Variants in AUTS2 observed in about 807,000 individuals in gnomAD.
The protein encoded by AUTS2 is activator of transcription and developmental regulator AUTS2.
AUTS2 carries 17 observed loss-of-function variants against 112.4 expected under a neutral mutation model. The ratio of observed to expected loss-of-function variants is 0.15; its 90% confidence interval spans 0.10 to 0.23. The LOEUF is 0.23. Among genes scored for constraint, AUTS2 ranks in the 10% least tolerant of loss-of-function variants. The pLI, the probability that AUTS2 is intolerant of heterozygous loss-of-function variation, is 1.00. For synonymous variants in AUTS2, 751 were observed against 702.7 expected, an observed-to-expected ratio of 1.07 and a Z score of -1.09; for missense variants, 1,510 against 1,701.6, an observed-to-expected ratio of 0.89 and a Z score of 1.98.
At position 70,586,730 on chromosome 7, in the gene AUTS2, G is replaced by A. The variant is rs146051082; in HGVS notation, c.691-111839G>A. Among the ~76,000 whole-genome samples the A allele has an allele frequency of 2.6e-3, 392 of 152,278 alleles. 3 individuals carry two copies. The highest frequency in any genetic ancestry group is 0.023 in the Admixed American group (346 of 15,298). ...TTACGTTCTGGGTGGATTTGCCTCCGGAGACCCTGCTGTTCAATCCCATTC... is the reference window on the plus strand; with the variant it reads ...TTACGTTCTGGGTGGATTTGCCTCCAGAGACCCTGCTGTTCAATCCCATTC... On this transcript the variant is annotated intron_variant, in intron 5 of 18. Coordinates refer to ENST00000342771, the MANE Select transcript of AUTS2 (RefSeq NM_015570.4).
chr7:70,592,135 A>T (rs376975061), intron 5 of AUTS2, among the ~76,000 whole-genome samples: 7 of 152,334 alleles, frequency 4.6e-5, no homozygotes, highest in African/African-American at 1.7e-4. Flanking sequence ...AAAAATATTC[A>T]TATTTGCCAT....
chr7:69,908,317 A>T (rs1562962285), intron 2 of AUTS2, among the ~76,000 whole-genome samples: 1 of 152,194 alleles, frequency 6.6e-6, no homozygotes, highest in Non-Finnish European at 1.5e-5. Flanking sequence ...GGTCCTAATG[A>T]TGTTTAAAAG....
At chr7:70,463,447 A>G (rs1186963024) in intron 5 of AUTS2, among the ~76,000 whole-genome samples, 1 of 152,196 alleles carries the variant, frequency 6.6e-6, no homozygotes, top group African/African-American at 2.4e-5. Flanking sequence ...GCAGCGTGCA[A>G]GAAGTGGACT....
intron 5 of AUTS2, among the ~76,000 whole-genome samples, chr7:70,585,678 TC>T (rs1802648605): frequency 6.6e-6 from 1 of 152,144 alleles, no homozygotes; most frequent in Non-Finnish European, 1.5e-5. Context: ...CTTAAAAGTA[TC>T]CGAGTTTGAA....
Position 70,705,413 on chromosome 7 carries a change from G to C in AUTS2, c.742+6793G>C, listed in dbSNP as rs552051154. Among the ~76,000 whole-genome samples, 148 of 152,308 alleles carry C rather than the reference G, an allele frequency of 9.7e-4. 1 individual carries two copies. The highest frequency in any genetic ancestry group is 3.4e-3 in the African/African-American group (142 of 41,570). On this transcript the variant is annotated intron_variant, in intron 6 of 18. Coordinates refer to ENST00000342771, the MANE Select transcript of AUTS2 (RefSeq NM_015570.4). ...TATTCCTGAACCTCTGGTGGAACGA[G>C]TGCAACAGTGATTTTATTAATTTCA...
intron 1 of AUTS2, among the ~76,000 whole-genome samples, chr7:69,835,815 T>C (rs1791697515): frequency 6.6e-6 from 1 of 152,214 alleles, no homozygotes; most frequent in Admixed American, 6.5e-5. Flanking sequence ...ATTTAAAGTG[T>C]TGAATGCTAT....
intron 1 of AUTS2, among the ~76,000 whole-genome samples, chr7:69,624,133 TATTAAG>T (rs956881728): frequency 2.0e-5 from 3 of 152,234 alleles, no homozygotes; most frequent in Non-Finnish European, 4.4e-5. Flanking sequence ...TCACAGCTGA[TATTAAG>T]ATTACGTTCT....
intron 4 of AUTS2, among the ~76,000 whole-genome samples, chr7:70,265,479 G>A (rs1357757118): frequency 3.3e-5 from 5 of 152,252 alleles, no homozygotes; most frequent in South Asian, 4.1e-4. Context: ...ACTGGGAGGT[G>A]AGAAAAAAAG....
intron 2 of AUTS2, among the ~76,000 whole-genome samples, chr7:69,981,870 T>G (rs777002982): frequency 1.3e-5 from 2 of 152,218 alleles, no homozygotes; most frequent in Non-Finnish European, 2.9e-5. Context: ...TGTACACACT[T>G]CGAGTTGGTA....
chr7:69,691,200 C>T (rs551931300), intron 1 of AUTS2, among the ~76,000 whole-genome samples: 9 of 152,196 alleles, frequency 5.9e-5, no homozygotes, highest in African/African-American at 1.4e-4. Context: ...GAGAAAGCAC[C>T]GTAAGTTCTT....
At chr7:69,747,651 A>G (rs1450350701) in intron 1 of AUTS2, among the ~76,000 whole-genome samples, 1 of 152,150 alleles carries the variant, frequency 6.6e-6, no homozygotes, top group Non-Finnish European at 1.5e-5. Flanking sequence ...TTCTGGCTTC[A>G]AAGCCTGAGA....
chr7:69,619,593 CCT>C (rs1446112249), intron 1 of AUTS2, among the ~76,000 whole-genome samples: 1 of 152,134 alleles, frequency 6.6e-6, no homozygotes, highest in Non-Finnish European at 1.5e-5. Context: ...GTGACTGTAC[CCT>C]CTTTCAGAAG....
chr7:69,828,210 T>C (rs1269468171), intron 1 of AUTS2, among the ~76,000 whole-genome samples: 1 of 152,204 alleles, frequency 6.6e-6, no homozygotes, highest in African/African-American at 2.4e-5. Context: ...TTCTACTCCT[T>C]GTCAGTGATG....
At chr7:70,519,819 T>C (rs1799570669) in intron 5 of AUTS2, among the ~76,000 whole-genome samples, 1 of 152,072 alleles carries the variant, frequency 6.6e-6, no homozygotes, top group Non-Finnish European at 1.5e-5. Context: ...TTCTACTTGA[T>C]TGGGTGTTCT....
chr7:69,721,299 C>A (rs1174935683), intron 1 of AUTS2, among the ~76,000 whole-genome samples: 1 of 152,200 alleles, frequency 6.6e-6, no homozygotes, highest in Non-Finnish European at 1.5e-5. Flanking sequence ...CTCAAGCCTC[C>A]CTCCTTCACT....
At chr7:69,848,908 CTAAA>C (rs1410420805) in intron 1 of AUTS2, among the ~76,000 whole-genome samples, 1 of 152,084 alleles carries the variant, frequency 6.6e-6, no homozygotes, top group Non-Finnish European at 1.5e-5. Context: ...GTTTTATTGA[CTAAA>C]TAATCTTCAG....
chr7:70,686,809 G>A (rs533268755), intron 5 of AUTS2, among the ~76,000 whole-genome samples: 12 of 152,260 alleles, frequency 7.9e-5, no homozygotes, highest in East Asian at 3.9e-4. Flanking sequence ...CTAGGACCAC[G>A]CACACGTGAG....
intron 1 of AUTS2, among the ~76,000 whole-genome samples, chr7:69,825,479 C>G (rs1431458292): frequency 6.6e-6 from 1 of 151,984 alleles, no homozygotes; most frequent in Non-Finnish European, 1.5e-5. Flanking sequence ...TCTGCTTTTT[C>G]TCAGCAGTAA....
At chr7:70,191,362 G>A (rs996033146) in intron 4 of AUTS2, among the ~76,000 whole-genome samples, 4 of 151,508 alleles carry the variant, frequency 2.6e-5, no homozygotes, top group African/African-American at 4.8e-5. Flanking sequence ...TAGTAGAGAC[G>A]GGGTTTAACC....
Sources: gnomAD v4.1 joint callset for allele counts (sites outside exome capture counted in the v4.1 genomes callset) on GRCh38, gnomAD v4.1.1 for gene constraint, MANE v1.5 for transcripts, NCBI Gene and HGNC (gene_info 2026-07-23, HGNC 2026-07-21) for gene names.